The following MCTP1 variants were observed in gnomAD, a reference collection of about 807,000 sequenced individuals.
MCTP1 encodes multiple C2 and transmembrane domain-containing protein 1.
In MCTP1, 69 loss-of-function variants were observed where a neutral mutation model predicts 120.6. The observed-to-expected ratio is 0.57, with a 90% confidence interval of 0.47 to 0.70. The LOEUF (loss-of-function observed/expected upper bound fraction) is 0.70, where lower values mean the gene tolerates loss of function less well. MCTP1 is among the 30% of genes least tolerant of loss of function. The pLI, the probability that MCTP1 is intolerant of heterozygous loss-of-function variation, is 0.00. For missense variants in MCTP1, 1,203 were observed against 1,248.8 expected, an observed-to-expected ratio of 0.96 and a Z score of 0.55; for synonymous variants, 529 against 493.1, an observed-to-expected ratio of 1.07 and a Z score of -0.96.
At chr5:94,825,088 ATTTG>A (rs1384448464) in intron 17 of MCTP1, among the ~76,000 whole-genome samples, 4 of 151,866 alleles carry the variant, frequency 2.6e-5, no homozygotes, top group African/African-American at 9.7e-5. Context: ...TAACTTTTGA[ATTTG>A]TTTGTTATTG....
chr5:94,858,781 G>T, intron 17 of MCTP1, among the ~76,000 whole-genome samples: 1 of 151,542 alleles, frequency 6.6e-6, no homozygotes, highest in East Asian at 1.9e-4. Context: ...ACCATTAAAA[G>T]CCCACACAAT....
chr5:94,784,455 T>C (rs1777211614), intron 18 of MCTP1, among the ~76,000 whole-genome samples: 1 of 152,128 alleles, frequency 6.6e-6, no homozygotes, highest in African/African-American at 2.4e-5. Flanking sequence ...AAGATCTTTA[T>C]AGGTGTGCTA....
At chr5:95,020,455 T>G (rs1386930421) in intron 1 of MCTP1, among the ~76,000 whole-genome samples, 1 of 152,086 alleles carries the variant, frequency 6.6e-6, no homozygotes, top group Non-Finnish European at 1.5e-5. Context: ...TCCTTTGTTC[T>G]CTTTTCTGCT....
intron 18 of MCTP1, chr5:94,789,615 C>T (rs1778465987): frequency 6.6e-6 from 1 of 152,152 alleles, no homozygotes; most frequent in African/African-American, 2.4e-5. Context: ...GATATTTAAT[C>T]CCGTTTCATT....
intron 2 of MCTP1, among the ~76,000 whole-genome samples, chr5:94,990,890 G>GA (rs34623375): frequency 0.48 from 73,399 of 151,946 alleles, 19,428 homozygotes; most frequent in Non-Finnish European, 0.6. Flanking sequence ...TCCTGGTTAT[G>GA]ACCAGCCCTC....
chr5:94,801,405 A>C (rs1388260223), intron 17 of MCTP1, among the ~76,000 whole-genome samples: 6 of 152,254 alleles, frequency 3.9e-5, no homozygotes, highest in Non-Finnish European at 7.3e-5. Context: ...CAGAGTTACA[A>C]TCTGGGATAC....
At chr5:94,910,228 A>G (rs1050049459) in intron 9 of MCTP1, among the ~76,000 whole-genome samples, 44 of 151,202 alleles carry the variant, frequency 2.9e-4, no homozygotes, top group Admixed American at 2.9e-3. Flanking sequence ...GTATACATAT[A>G]TGTATGTATG....
At chr5:95,227,559 G>C (rs1003962643) in intron 1 of MCTP1, among the ~76,000 whole-genome samples, 2 of 152,074 alleles carry the variant, frequency 1.3e-5, no homozygotes, top group African/African-American at 2.4e-5. Context: ...TAGCTAAAAG[G>C]CAACTTTATA....
intron 19 of MCTP1, among the ~76,000 whole-genome samples, chr5:94,734,814 C>T (rs991577386): frequency 6.6e-6 from 1 of 151,934 alleles, no homozygotes; most frequent in Non-Finnish European, 1.5e-5. Context: ...TATTTCCATG[C>T]TTTTTTTTCT....
At chr5:95,034,762 C>G (rs1411303710) in intron 1 of MCTP1, among the ~76,000 whole-genome samples, 1 of 151,958 alleles carries the variant, frequency 6.6e-6, no homozygotes, top group Non-Finnish European at 1.5e-5. Context: ...GCAAAAGAAA[C>G]AGTCAACAGA....
intron 1 of MCTP1, among the ~76,000 whole-genome samples, chr5:95,173,805 G>A (rs1001415917): frequency 3.3e-5 from 5 of 150,168 alleles, no homozygotes; most frequent in Admixed American, 6.7e-5. Context: ...AGTTAATAGA[G>A]GCTATGAAGG....
intron 3 of MCTP1, among the ~76,000 whole-genome samples, chr5:94,947,577 T>TATATATATATATATAGAGAGAG: frequency 5.7e-4 from 27 of 47,382 alleles, no homozygotes; most frequent in Non-Finnish European, 6.4e-4. Context: ...TATATATATA[T>TATATATATATATATAGAGAGAG]AGAGAGAGAG....
chr5:95,278,555 T>C (rs1277444401), intron 1 of MCTP1, among the ~76,000 whole-genome samples: 5 of 152,328 alleles, frequency 3.3e-5, no homozygotes, highest in Admixed American at 2.6e-4. Context: ...CCCTCAGTTA[T>C]CAAGAAATGG....
intron 1 of MCTP1, among the ~76,000 whole-genome samples, chr5:95,198,931 T>C (rs1232799733): frequency 6.6e-6 from 1 of 152,228 alleles, no homozygotes; most frequent in Non-Finnish European, 1.5e-5. Flanking sequence ...TCACTCTCTT[T>C]TACTCTGTAT....
chr5:94,873,305 T>A, intron 12 of MCTP1, 64 bp from the exon 13 acceptor site: 1 of 894,730 alleles, frequency 1.1e-6, no homozygotes, highest in Non-Finnish European at 1.8e-6. Context: ...AGTGTCAAGA[T>A]CATGACCATA....
intron 1 of MCTP1, among the ~76,000 whole-genome samples, chr5:95,187,997 C>A (rs1749415135): frequency 6.6e-6 from 1 of 151,974 alleles, no homozygotes. Context: ...GATATATACA[C>A]CTACTATGTA....
chr5:95,106,043 T>A (rs1757055132), intron 1 of MCTP1, among the ~76,000 whole-genome samples: 1 of 152,222 alleles, frequency 6.6e-6, no homozygotes, highest in Non-Finnish European at 1.5e-5. Flanking sequence ...ATGTTCTGTG[T>A]CTGTGCTCTG....
chr5:95,249,994 C>A (rs189081500), intron 1 of MCTP1, among the ~76,000 whole-genome samples: 1 of 152,062 alleles, frequency 6.6e-6, no homozygotes, highest in Non-Finnish European at 1.5e-5. Context: ...ACATCACACA[C>A]CAGGGCCTGT....
chr5:94,710,221 A>C (rs546507663), intron 21 of MCTP1: 1 of 152,156 alleles, frequency 6.6e-6, no homozygotes, highest in Non-Finnish European at 1.5e-5. Context: ...GCCCAGGTGC[A>C]TAAGAATCGT....
Sources: allele counts gnomAD v4.1 joint callset (sites outside exome capture counted in the v4.1 genomes callset), GRCh38; gene constraint gnomAD v4.1.1; transcripts MANE v1.5; gene names NCBI Gene and HGNC (gene_info 2026-07-23, HGNC 2026-07-21).